POLA1: variants seen among roughly 807,000 people sequenced by gnomAD.
POLA1 encodes the protein DNA polymerase alpha catalytic subunit.
A neutral mutation model predicts 124.0 loss-of-function variants in POLA1; 15 were observed. The ratio of observed to expected loss-of-function variants is 0.12; its 90% CI spans 0.08 to 0.19. POLA1 has a LOEUF of 0.19. POLA1 is among the 10% of genes least tolerant of loss of function. The pLI, the probability that POLA1 is intolerant of heterozygous loss-of-function variation, is 1.00. For synonymous variants in POLA1, 408 were observed against 389.4 expected (o/e 1.05, Z -0.56); for missense variants, 886 against 1,103.4 (o/e 0.80, Z 2.79).
intron 26 of POLA1, among the ~76,000 whole-genome samples, chrX:24,801,924 GGTGTGTGTGTGTGT>G (rs35938897): frequency 4.3e-4 from 32 of 74,543 alleles, no homozygotes; most frequent in East Asian, 9.5e-4. Context: ...GAGGTGGGTG[GGTGTGTGTGTGTGT>G]GTGTGTGTGT....
intron 36 of POLA1, among the ~76,000 whole-genome samples, chrX:24,955,323 GC>G (rs1405059670): frequency 1.9e-5 from 2 of 106,159 alleles, no homozygotes; most frequent in Non-Finnish European, 3.9e-5. Flanking sequence ...ACTGCCACCC[GC>G]CCACCCCCAC....
intron 35 of POLA1, among the ~76,000 whole-genome samples, chrX:24,902,117 T>C (rs182802724): frequency 2.9e-4 from 33 of 112,147 alleles, no homozygotes; most frequent in Admixed American, 4.7e-4. Flanking sequence ...TGTGTTCATA[T>C]GCAGGTGTGT....
chrX:24,720,130 A>G (rs1363726752), intron 10 of POLA1, among the ~76,000 whole-genome samples: 1 of 111,420 alleles, frequency 9.0e-6, no homozygotes, highest in African/African-American at 3.3e-5. Context: ...TGCTCTTTAT[A>G]CCTGTGTTCC....
chrX:24,822,029 A>T (rs1442531855), intron 31 of POLA1, among the ~76,000 whole-genome samples: 1 of 110,957 alleles, frequency 9.0e-6, no homozygotes, highest in Non-Finnish European at 1.9e-5. Context: ...TGAGGAAACC[A>T]CACAATTCAA....
chrX:24,960,398 A>G (rs1229933931), intron 36 of POLA1, among the ~76,000 whole-genome samples: 5 of 111,689 alleles, frequency 4.5e-5, no homozygotes, highest in Non-Finnish European at 9.4e-5. Flanking sequence ...GTTAGTGGGC[A>G]CTCTGAGGAG....
At chrX:24,968,057 C>T (rs778314358) in intron 36 of POLA1, among the ~76,000 whole-genome samples, 1 of 112,093 alleles carries the variant, frequency 8.9e-6, no homozygotes, top group South Asian at 3.7e-4. Flanking sequence ...AGACTTAGCA[C>T]TAGTAATCTC....
intron 34 of POLA1, among the ~76,000 whole-genome samples, chrX:24,863,877 A>G (rs1488426548): frequency 9.0e-6 from 1 of 111,221 alleles, no homozygotes; most frequent in Non-Finnish European, 1.9e-5. Context: ...TTACATGAGT[A>G]TACCCACCTT....
chrX:24,968,307 G>A lies in POLA1; in HGVS notation c.4262-27498G>A, dbSNP rs1392920588. Among the ~76,000 whole-genome samples the A allele has an allele frequency of 5.4e-5, 6 of 111,563 alleles. No individual in the cohort carries two copies. The East Asian group carries it at 1.7e-3, about 31-fold the overall frequency. ...CTATAATACCCAGTTCCCTGCATCT[G>A]TTCTAAACAAACTGGATTTTACTAG... On this transcript the variant is annotated intron_variant, in intron 36 of 36. Coordinates refer to ENST00000379068, the MANE Select transcript of POLA1 (RefSeq NM_001330360.2).
chrX:24,918,833 C>G (rs1007845378), intron 35 of POLA1, among the ~76,000 whole-genome samples: 3 of 110,362 alleles, frequency 2.7e-5, no homozygotes, highest in Non-Finnish European at 5.7e-5. Flanking sequence ...AAGTGAGAGA[C>G]AGAGGAGGGG....
chrX:24,937,571 A>G (rs1480955969), intron 36 of POLA1, among the ~76,000 whole-genome samples: 1 of 111,904 alleles, frequency 8.9e-6, no homozygotes, highest in Admixed American at 9.5e-5. Context: ...AAATGAACCC[A>G]AACCAGCTTT....
intron 34 of POLA1, among the ~76,000 whole-genome samples, chrX:24,882,489 T>A: frequency 9.0e-6 from 1 of 111,080 alleles, no homozygotes; most frequent in East Asian, 2.8e-4. Context: ...CCTGCTTTAG[T>A]AGTCCCAGAA....
chrX:24,790,995 GAGGTTCTAACAC>G (rs2045484283), intron 26 of POLA1, among the ~76,000 whole-genome samples: 1 of 106,349 alleles, frequency 9.4e-6, no homozygotes, highest in East Asian at 2.9e-4. Flanking sequence ...AGAACTTTCA[GAGGTTCTAACAC>G]AGTTGCACAT....
Position 24,742,033 on chromosome X carries a change from G to C in POLA1, c.2378G>C (p.Arg793Pro). 1 of 1,202,903 alleles carries C rather than the reference G, an allele frequency of 8.3e-7. No individual in the cohort carries two copies. Among genetic ancestry groups the C allele is most frequent in the South Asian group, 1.8e-5 (1 of 56,527 alleles). Residue 793 changes from arginine (R) to proline (P), a missense_variant, in exon 22 of 37, where the codon CGT becomes CCT. Coordinates refer to ENST00000379068, the MANE Select transcript of POLA1 (RefSeq NM_001330360.2). ...ACGCTGATGGGTGGACGATCCGAGC[G>C]TAACGAGTTCTTGTTGCTTCATGCA... is the stretch of plus-strand genomic sequence containing the variant. Reference protein sequence around the residue: ...SRTLMGGRSERNEFLLLHAFY... With the variant: ...SRTLMGGRSEPNEFLLLHAFY...
intron 26 of POLA1, among the ~76,000 whole-genome samples, chrX:24,763,133 A>G (rs1438033774): frequency 8.9e-6 from 1 of 111,780 alleles, no homozygotes; most frequent in African/African-American, 3.3e-5. Context: ...GCCAGAGTGG[A>G]TGAGGGGAAA....
chrX:24,786,648 G>A (rs1170466781), intron 26 of POLA1, among the ~76,000 whole-genome samples: 1 of 98,852 alleles, frequency 1.0e-5, no homozygotes, highest in Non-Finnish European at 2.0e-5. Context: ...AGCTAGGACT[G>A]TGGGTGTGCA....
chrX:24,755,903 G>A (rs934152607), intron 26 of POLA1, among the ~76,000 whole-genome samples: 6 of 112,096 alleles, frequency 5.4e-5, no homozygotes, highest in African/African-American at 1.9e-4. Flanking sequence ...GTTATTGAAC[G>A]TTCCTGTATT....
At chrX:24,911,473 A>G (rs1451046300) in intron 35 of POLA1, among the ~76,000 whole-genome samples, 1 of 110,803 alleles carries the variant, frequency 9.0e-6, no homozygotes, top group African/African-American at 3.3e-5. Context: ...GCTTAGAGGA[A>G]AATTGATAGT....
At chrX:24,947,781 C>T (rs2047985845) in intron 36 of POLA1, among the ~76,000 whole-genome samples, 1 of 112,227 alleles carries the variant, frequency 8.9e-6, no homozygotes, top group African/African-American at 3.2e-5. Context: ...TGCAGGCACA[C>T]GTATTAATGG....
intron 7 of POLA1, among the ~76,000 whole-genome samples, 163 bp downstream of exon 7, chrX:24,716,617 T>C (rs906549144): frequency 8.9e-6 from 1 of 112,535 alleles, no homozygotes; most frequent in Admixed American, 9.4e-5. Flanking sequence ...AAAAATAGCA[T>C]GTGCCTGCCT....
Sources: allele counts gnomAD v4.1 joint callset (sites outside exome capture counted in the v4.1 genomes callset), GRCh38; gene constraint gnomAD v4.1.1; transcripts MANE v1.5; gene names NCBI Gene and HGNC (gene_info 2026-07-23, HGNC 2026-07-21).